STXBP5L: variants seen among roughly 807,000 people sequenced by gnomAD.
The protein encoded by STXBP5L is syntaxin binding protein 5L, also known as syntaxin-binding protein 5-like.
A neutral mutation model predicts 144.5 loss-of-function variants in STXBP5L; 65 were observed. The observed-to-expected ratio is 0.45, with a 90% CI of 0.37 to 0.55. STXBP5L has a LOEUF of 0.55. STXBP5L is among the 20% of genes least tolerant of loss of function. The probability of loss-of-function intolerance (pLI) is 0.00; values close to 1 mark genes in which losing one functional copy is unlikely to be tolerated. For missense variants in STXBP5L, 1,298 were observed against 1,405.5 expected, an observed-to-expected ratio of 0.92 and a Z score of 1.22; for synonymous variants, 505 against 469.6, an observed-to-expected ratio of 1.08 and a Z score of -0.97.
intron 20 of STXBP5L, among the ~76,000 whole-genome samples, chr3:121,348,341 C>T (rs1328255931): frequency 6.6e-6 from 1 of 152,126 alleles, no homozygotes; most frequent in Non-Finnish European, 1.5e-5. Flanking sequence ...TTTTGATGTG[C>T]TGCTGGATTC....
At chr3:120,908,394 C>G (rs1185381288) in intron 1 of STXBP5L, 60 bp downstream of exon 1, 2 of 156,438 alleles carry the variant, frequency 1.3e-5, no homozygotes, top group Non-Finnish European at 2.8e-5. Context: ...CTGCCGCCGT[C>G]CAGCTGTGGC....
chr3:121,314,951 G>A (rs201902476), intron 19 of STXBP5L, among the ~76,000 whole-genome samples: 14 of 152,150 alleles, frequency 9.2e-5, no homozygotes, highest in East Asian at 3.9e-4. Flanking sequence ...TCTCACACCC[G>A]TTAGAATGGC....
intron 20 of STXBP5L, among the ~76,000 whole-genome samples, chr3:121,366,661 A>G (rs2108649958): frequency 6.6e-6 from 1 of 152,180 alleles, no homozygotes; most frequent in East Asian, 1.9e-4. Context: ...GTTATAAACC[A>G]TGTATGGTTA....
intron 3 of STXBP5L, among the ~76,000 whole-genome samples, chr3:120,986,720 T>A (rs926439519): frequency 2.0e-5 from 3 of 151,864 alleles, no homozygotes; most frequent in Non-Finnish European, 4.4e-5. Context: ...AAGAAAATGA[T>A]GTATAAGCAA....
At chr3:121,063,448 T>C (rs1576828181) in intron 5 of STXBP5L, among the ~76,000 whole-genome samples, 4 of 152,082 alleles carry the variant, frequency 2.6e-5, no homozygotes, top group African/African-American at 9.7e-5. Flanking sequence ...TGCTGGGAGG[T>C]GTCTCCCAGT....
In STXBP5L at chr3:120,985,095, A is replaced by G. The variant is rs577662049; in HGVS notation, c.287+30058A>G. On this transcript the variant is annotated intron_variant, in intron 3 of 26. Transcript: ENST00000471454. ...TTCTGATAATTTCATGCCAGTGTTCATAAGGGATATTGTTTTGTAGCTTTT... is the reference window on the plus strand; with the variant it reads ...TTCTGATAATTTCATGCCAGTGTTCGTAAGGGATATTGTTTTGTAGCTTTT... Among the ~76,000 whole-genome samples the G allele has an allele frequency of 2.0e-5, 3 of 152,150 alleles. No homozygotes were observed. In the South Asian group the frequency reaches 6.2e-4, roughly 32 times the overall value.
intron 5 of STXBP5L, among the ~76,000 whole-genome samples, chr3:121,089,925 C>T (rs1349356791): frequency 1.3e-5 from 2 of 151,786 alleles, no homozygotes; most frequent in African/African-American, 4.8e-5. Flanking sequence ...GTAATTGGTT[C>T]TTTTTACTTA....
chr3:121,049,061 G>A (rs1463025764), intron 5 of STXBP5L, among the ~76,000 whole-genome samples: 1 of 152,208 alleles, frequency 6.6e-6, no homozygotes, highest in Non-Finnish European at 1.5e-5. Context: ...GCACAGAGCT[G>A]CTACTAGCCT....
intron 15 of STXBP5L, among the ~76,000 whole-genome samples, chr3:121,253,539 C>A (rs2050096145): frequency 6.7e-6 from 1 of 149,360 alleles, no homozygotes; most frequent in African/African-American, 2.4e-5. Flanking sequence ...TGACACAACA[C>A]TATTATCTAA....
chr3:121,247,591 G>T (rs754970916), intron 14 of STXBP5L, among the ~76,000 whole-genome samples: 5 of 152,128 alleles, frequency 3.3e-5, no homozygotes, highest in Non-Finnish European at 7.4e-5. Context: ...CTGTTCCTGT[G>T]CTGGCTTACT....
chr3:121,216,818 G>T (rs1292429844), intron 10 of STXBP5L, among the ~76,000 whole-genome samples: 1 of 152,168 alleles, frequency 6.6e-6, no homozygotes, highest in Non-Finnish European at 1.5e-5. Flanking sequence ...GTCCAAGGGA[G>T]ATGGGAGTTT....
chr3:121,033,840 G>A (rs900193405), intron 3 of STXBP5L, among the ~76,000 whole-genome samples: 3 of 151,922 alleles, frequency 2.0e-5, no homozygotes, highest in Admixed American at 6.6e-5. Flanking sequence ...CAGCTGAAAA[G>A]TATCAAGCAG....
chr3:121,208,754 G>A (rs2048438395), intron 10 of STXBP5L, among the ~76,000 whole-genome samples: 1 of 151,768 alleles, frequency 6.6e-6, no homozygotes, highest in African/African-American at 2.4e-5. Context: ...ATTATTTTAT[G>A]GGTTTTTTTC....
intron 7 of STXBP5L, among the ~76,000 whole-genome samples, chr3:121,139,660 T>C (rs1227714322): frequency 6.6e-6 from 1 of 152,048 alleles, no homozygotes; most frequent in East Asian, 1.9e-4. Context: ...AATGAGAACA[T>C]TAACCTCATC....
intron 19 of STXBP5L, among the ~76,000 whole-genome samples, chr3:121,302,778 G>C (rs2051973266): frequency 6.6e-6 from 1 of 152,100 alleles, no homozygotes; most frequent in Non-Finnish European, 1.5e-5. Context: ...TAAGAAATGG[G>C]GAAAGGATTC....
intron 10 of STXBP5L, among the ~76,000 whole-genome samples, chr3:121,213,924 G>A (rs554255782): frequency 6.6e-6 from 1 of 151,992 alleles, no homozygotes; most frequent in African/African-American, 2.4e-5. Context: ...TTTTTCCTGG[G>A]TTAGTCTTGG....
intron 3 of STXBP5L, among the ~76,000 whole-genome samples, chr3:120,982,098 A>T (rs982487846): frequency 8.5e-5 from 13 of 152,178 alleles, no homozygotes; most frequent in Admixed American, 8.5e-4. Flanking sequence ...GACTTCCATT[A>T]TCAGGTTTTG....
chr3:121,126,262 A>G (rs1457636404), intron 7 of STXBP5L, among the ~76,000 whole-genome samples: 2 of 152,194 alleles, frequency 1.3e-5, no homozygotes, highest in Non-Finnish European at 2.9e-5. Context: ...GAACACAGCC[A>G]TGCTCATTCA....
intron 5 of STXBP5L, among the ~76,000 whole-genome samples, chr3:121,113,006 G>T (rs900245310): frequency 3.9e-5 from 6 of 151,950 alleles, no homozygotes; most frequent in African/African-American, 1.5e-4. Flanking sequence ...TTATCTAGTT[G>T]TTGTAACCAC....
Sources: allele counts gnomAD v4.1 joint callset (sites outside exome capture counted in the v4.1 genomes callset), GRCh38; gene constraint gnomAD v4.1.1; transcripts MANE v1.5; gene names NCBI Gene and HGNC (gene_info 2026-07-23, HGNC 2026-07-21).